CROCC2: variants seen among roughly 807,000 people sequenced by gnomAD.
CROCC2 encodes ciliary rootlet coiled-coil protein 2.
In CROCC2, 163 loss-of-function variants were observed where a neutral mutation model predicts 177.6. The ratio of observed to expected loss-of-function variants is 0.92; its 90% CI spans 0.81 to 1.05. The LOEUF (loss-of-function observed/expected upper bound fraction) is 1.05. Ranked by LOEUF, CROCC2 falls within the 50% of genes least tolerant of loss-of-function variation. The pLI is 0.00. For synonymous variants in CROCC2, 904 were observed against 787.3 expected (o/e 1.15, Z -2.48); for missense variants, 1,929 against 1,797.8 (o/e 1.07, Z -1.32).
intron 5 of CROCC2, among the ~76,000 whole-genome samples, chr2:240,929,419 G>A (rs1404800100): frequency 6.6e-6 from 1 of 152,134 alleles, no homozygotes; most frequent in African/African-American, 2.4e-5. Flanking sequence ...GGGCCTAGAA[G>A]GTGGTGTGGA....
chr2:240,990,468 T>C (rs560393245), intron 30 of CROCC2, among the ~76,000 whole-genome samples: 191 of 152,368 alleles, frequency 1.3e-3, no homozygotes, highest in Non-Finnish European at 2.3e-3. Context: ...GGAGGTGACC[T>C]GACTGCCCAG....
At position 240,949,990 on chromosome 2, in the gene CROCC2, G is replaced by A. The variant is rs2059544009; in HGVS notation, c.2652+288G>A. ...GGTGCAGTCTGAAGGATGAGGGCTG[G>A]AGGGGGCCCCACACCCATTAGAGCC... On this transcript the variant is annotated intron_variant, in intron 17 of 31. Transcript: ENST00000690015. The surrounding 1 kb of genome is among the most constrained non-coding windows in gnomAD (Gnocchi z 4.5). Among the ~76,000 whole-genome samples the A allele has an allele frequency of 6.6e-6, 1 of 152,234 alleles. No homozygotes were observed. Among genetic ancestry groups the A allele is most frequent in the African/African-American group, 2.4e-5 (1 of 41,450 alleles).
At chr2:240,962,590 C>G (rs1224366423) in intron 20 of CROCC2, among the ~76,000 whole-genome samples, 1 of 152,180 alleles carries the variant, frequency 6.6e-6, no homozygotes, top group Admixed American at 6.5e-5. Context: ...GGACAATATC[C>G]CGTGAAAACA....
chr2:240,988,073 AG>A (rs922163229), intron 28 of CROCC2, among the ~76,000 whole-genome samples: 3 of 152,190 alleles, frequency 2.0e-5, no homozygotes, highest in Non-Finnish European at 2.9e-5. Flanking sequence ...AGGGAACAAA[AG>A]GTCCCTGCCA....
At position 240,931,025 on chromosome 2, in the gene CROCC2, A is replaced by G. The variant is rs1012962432; in HGVS notation, c.844A>G (p.Ser282Gly). 3 of 716,492 alleles carry G rather than the reference A, an allele frequency of 4.2e-6. No individual in the cohort carries two copies. The Admixed American group carries it at 6.0e-5, about 14-fold the overall frequency. 44.4% of individuals were successfully genotyped at this position (716,492 alleles called of 1,614,324 possible). ...CGACTCCAACCTGCGGCTGTCGGCC[A>G]GCAGCACGGCCAGCACCCTGGGGCA... is the stretch of plus-strand genomic sequence containing the variant. ...NLDSNLRLSA[S>G]STASTLGQQL... is the part of the protein sequence containing the mutation. Residue 282 changes from serine to glycine, a missense_variant, in exon 7 of 32, where the codon AGC (serine) becomes GGC (glycine). This residue lies in a region of CROCC2 where 1,397 missense variants were observed against 1,239.9 expected (regional missense o/e 1.13). Transcript: ENST00000690015.
At chr2:240,947,274 G>A (rs1281112051) in intron 15 of CROCC2, among the ~76,000 whole-genome samples, 5 of 152,236 alleles carry the variant, frequency 3.3e-5, no homozygotes, top group African/African-American at 1.2e-4. Context: ...TCCTGCCCAT[G>A]CTCCCTCCTG....
chr2:240,941,950 C>G (rs1367404472), intron 14 of CROCC2, among the ~76,000 whole-genome samples: 1 of 152,198 alleles, frequency 6.6e-6, no homozygotes, highest in Non-Finnish European at 1.5e-5. Flanking sequence ...TCCCTTATGC[C>G]TTCCACCATG....
intron 3 of CROCC2, 132 bp from the exon 4 acceptor site, chr2:240,922,407 C>A: frequency 1.7e-6 from 1 of 573,640 alleles, no homozygotes; most frequent in African/African-American, 1.9e-5. Context: ...CAGACCCAAC[C>A]CCAGCCCCTG....
In CROCC2 at chr2:240,968,809, G is replaced by T. The variant is rs117521724; in HGVS notation, c.4401+547G>T. ...TGCCCGCTGGGTCTGAGGTTTTCAGGTGAGGAGCCTGGGCCTGGAAATGGA... is the reference window on the plus strand; with the variant it reads ...TGCCCGCTGGGTCTGAGGTTTTCAGTTGAGGAGCCTGGGCCTGGAAATGGA... On this transcript the variant is annotated intron_variant, in intron 27 of 31. Coordinates refer to ENST00000690015, the MANE Select transcript of CROCC2 (RefSeq NM_001351305.2). Among the ~76,000 whole-genome samples, 39 of 152,330 alleles carry T rather than the reference G, an allele frequency of 2.6e-4. No homozygotes were observed. The East Asian group carries it at 7.0e-3, about 27-fold the overall frequency.
At chr2:240,983,901 C>T (rs2059818870) in intron 28 of CROCC2, among the ~76,000 whole-genome samples, 1 of 152,198 alleles carries the variant, frequency 6.6e-6, no homozygotes, top group Non-Finnish European at 1.5e-5. Context: ...GGCCCCTGCT[C>T]ATGGTGGAGA....
chr2:240,933,839 G>T lies in CROCC2; in HGVS notation c.1633G>T (p.Ala545Ser), dbSNP rs1227227330. 6.5e-7 allele frequency: 1 copy of T among 1,546,338 alleles called. No individual in the cohort carries two copies. Among genetic ancestry groups the T allele is most frequent in the East Asian group, 2.4e-5 (1 of 40,870 alleles). ...TCTGCGGAGGGAGCGGAGCTGCAGG[G>T]CACTGGAGACCAGGTGCGCGGCCGT... ...LALRRERSCRALETSQGRLQQ... is the reference protein window; with the variant it reads ...LALRRERSCRSLETSQGRLQQ... Residue 545 changes from alanine to serine, a missense_variant, in exon 11 of 32, where the codon GCA becomes TCA. Around this residue, in one of 3 missense-constraint regions of CROCC2, gnomAD observed 1,397 missense variants for 1,239.9 expected, o/e 1.13. Coordinates refer to ENST00000690015, the MANE Select transcript of CROCC2 (RefSeq NM_001351305.2).
rs1448947664 is a variant in CROCC2, at chr2:240,933,748, G to A, written c.1542G>A (p.Leu514=). The change falls in exon 11 of 32, where the codon CTG becomes CTA. Residue 514 remains leucine, a synonymous_variant. Transcript: ENST00000690015. ...CTGCAGATGCGGAGAAGCAGGGGCT[G>A]GAGGCCGAGGCTGCAGAGCTGCAGA... ...ADAADAEKQG[L]EAEAAELQRS... The A allele has an allele frequency of 4.5e-6, 7 of 1,550,038 alleles. No homozygotes were observed. The highest frequency in any genetic ancestry group is 6.1e-6 in the Non-Finnish European group (7 of 1,146,854).
At position 240,933,736 on chromosome 2, in the gene CROCC2, G is replaced by C. The variant is rs1262602829; in HGVS notation, c.1530G>C (p.Glu510Asp). 1 of 1,550,210 alleles carries C rather than the reference G, an allele frequency of 6.5e-7. No homozygotes were observed. ...LKGKADAADAEKQGLEAEAAE... is the reference protein window; with the variant it reads ...LKGKADAADADKQGLEAEAAE... ...GGAAGGCAGATGCTGCAGATGCGGA[G>C]AAGCAGGGGCTGGAGGCCGAGGCTG... Residue 510 changes from glutamate to aspartate, a missense_variant, in exon 11 of 32, where the codon GAG becomes GAC. By Grantham distance (45) the Glu-to-Asp change is conservative (BLOSUM62 2). Coordinates refer to ENST00000690015, the MANE Select transcript of CROCC2 (RefSeq NM_001351305.2).
At chr2:240,968,295 G>A (rs778498253) in intron 27 of CROCC2, 33 bp downstream of exon 27, 6 of 1,510,086 alleles carry the variant, frequency 4.0e-6, no homozygotes, top group South Asian at 3.7e-5. Context: ...TCCCAGGTGG[G>A]GCACAAGAAC....
At chr2:240,913,914 G>A (rs56331064) in intron 1 of CROCC2, among the ~76,000 whole-genome samples, 31,418 of 152,266 alleles carry the variant, frequency 0.21, 3,763 homozygotes, top group Middle Eastern at 0.35. Context: ...GGACTTGGCC[G>A]GAGGCCCTGT....
chr2:240,920,212 C>T (rs569059947), intron 3 of CROCC2, 78 bp downstream of exon 3: 23 of 595,626 alleles, frequency 3.9e-5, no homozygotes, highest in South Asian at 3.0e-4. Flanking sequence ...GTCGGGACGG[C>T]AGTCAGAGCC....
At chr2:240,911,296 CT>C (rs35968018) in intron 1 of CROCC2, among the ~76,000 whole-genome samples, 66 of 123,040 alleles carry the variant, frequency 5.4e-4, no homozygotes, top group Middle Eastern at 4.3e-3. Context: ...ACGTCCACAA[CT>C]TTTTTTTTTT....
chr2:240,923,280 C>T (rs116689256), intron 4 of CROCC2, among the ~76,000 whole-genome samples: 2,597 of 151,960 alleles, frequency 0.017, 32 homozygotes, highest in Middle Eastern at 0.078. Context: ...CCCCCGCCAC[C>T]GCTGTCAGTG....
At position 240,922,834 on chromosome 2, in the gene CROCC2, G is replaced by A. The variant is rs74633770; in HGVS notation, c.488+189G>A. Among the ~76,000 whole-genome samples the A allele has an allele frequency of 0.014, 2,070 of 152,260 alleles. 89 individuals are homozygous for A. The East Asian group carries it at 0.15, about 11-fold the overall frequency. Reference sequence around the variant, plus strand: ...CAGGGCAGGGGGCTGGAGAAGGCACGGCTGGGAAGGGGGACTGACTTGAGT... The same window carrying A: ...CAGGGCAGGGGGCTGGAGAAGGCACAGCTGGGAAGGGGGACTGACTTGAGT... On this transcript the variant is annotated intron_variant, in intron 4 of 31. Transcript: ENST00000690015.
Sources: gnomAD v4.1 joint callset for allele counts (sites outside exome capture counted in the v4.1 genomes callset) on GRCh38, gnomAD v4.1.1 for gene constraint, gnomAD v4.1.1 regional missense constraint, Gnocchi (gnomAD v3.1) non-coding constraint, MANE v1.5 for transcripts, NCBI Gene and HGNC (gene_info 2026-07-23, HGNC 2026-07-21) for gene names.